Variants in POPDC1 observed in about 807,000 individuals in gnomAD.
POPDC1 encodes popeye domain cAMP effector 1.
At chr6:105,104,656 T>C in the POPDC1 span, among the ~76,000 whole-genome samples, 1 of 152,188 alleles carries the variant, frequency 6.6e-6, no homozygotes, top group Non-Finnish European at 1.5e-5. Flanking sequence ...CACTCTACTT[T>C]GTAGCATGTC....
chr6:105,121,886 T>C, the POPDC1 span, among the ~76,000 whole-genome samples: 1 of 152,168 alleles, frequency 6.6e-6, no homozygotes, highest in African/African-American at 2.4e-5. Context: ...TCAAAGGAAG[T>C]AGATCCTCAT....
chr6:105,112,702 A>G, the POPDC1 span, among the ~76,000 whole-genome samples: 1 of 152,200 alleles, frequency 6.6e-6, no homozygotes, highest in African/African-American at 2.4e-5. Flanking sequence ...AGTAGGTGGG[A>G]GTTGAGAAAA....
At chr6:105,131,503 C>T in the POPDC1 span, among the ~76,000 whole-genome samples, 4 of 152,234 alleles carry the variant, frequency 2.6e-5, no homozygotes, top group African/African-American at 7.2e-5. Context: ...ACAGCCTCGA[C>T]ATCCCAGGCT....
At chr6:105,135,861 C>A in the POPDC1 span, among the ~76,000 whole-genome samples, 1 of 152,086 alleles carries the variant, frequency 6.6e-6, no homozygotes, top group Non-Finnish European at 1.5e-5. Context: ...TTACACTTAA[C>A]AATTCTTATA....
the POPDC1 span, among the ~76,000 whole-genome samples, chr6:105,102,673 G>A: frequency 6.6e-6 from 1 of 152,186 alleles, no homozygotes; most frequent in African/African-American, 2.4e-5. Context: ...TGCTCCATGG[G>A]ATTGTTAGGA....
the POPDC1 span, chr6:105,129,654 T>G: frequency 5.8e-6 from 4 of 693,398 alleles, no homozygotes; most frequent in South Asian, 1.0e-4. Flanking sequence ...AAACCATGGA[T>G]AGTATACAAC....
chr6:105,133,339 T>C, the POPDC1 span: 1 of 1,583,672 alleles, frequency 6.3e-7, no homozygotes, highest in Non-Finnish European at 8.7e-7. Context: ...AAAGTATCAG[T>C]TAGGTATCTT....
the POPDC1 span, among the ~76,000 whole-genome samples, chr6:105,109,653 T>A: frequency 1.3e-5 from 2 of 149,872 alleles, no homozygotes; most frequent in South Asian, 4.2e-4. Context: ...CGGGAGGACA[T>A]CTTGAGCCTG....
At chr6:105,133,414 C>G in the POPDC1 span, 1 of 1,613,674 alleles carries the variant, frequency 6.2e-7, no homozygotes, top group Non-Finnish European at 8.5e-7. Flanking sequence ...AATAACCAAC[C>G]CAACTGCAAA....
At chr6:105,110,665 A>T in the POPDC1 span, among the ~76,000 whole-genome samples, 1 of 148,598 alleles carries the variant, frequency 6.7e-6, no homozygotes, top group Admixed American at 6.9e-5. Context: ...GTCATATGAC[A>T]TTAGTAGGCT....
the POPDC1 span, among the ~76,000 whole-genome samples, chr6:105,103,345 T>C: frequency 6.6e-6 from 1 of 152,182 alleles, no homozygotes; most frequent in Non-Finnish European, 1.5e-5. Context: ...GACTTAATAA[T>C]GAGAAAATTT....
chr6:105,129,478 G>A, the POPDC1 span: 9 of 1,611,878 alleles, frequency 5.6e-6, no homozygotes, highest in African/African-American at 1.3e-5. Flanking sequence ...GGTAGAGAGT[G>A]GCCCAGACGA....
At chr6:105,098,436 A>G in the POPDC1 span, 1 of 152,208 alleles carries the variant, frequency 6.6e-6, no homozygotes, top group Non-Finnish European at 1.5e-5. Context: ...ACTGATACAC[A>G]CACATACTTT....
At chr6:105,100,564 A>ATGTGTGTGTGTGTGTG in the POPDC1 span, 5 of 140,582 alleles carry the variant, frequency 3.6e-5, no homozygotes, top group African/African-American at 1.4e-4. Flanking sequence ...ATATATATAT[A>ATGTGTGTGTGTGTGTG]TATATGTATG....
At chr6:105,097,316 A>G in the POPDC1 span, 1 of 152,276 alleles carries the variant, frequency 6.6e-6, no homozygotes, top group Admixed American at 6.5e-5. Context: ...GGGAAGGGAG[A>G]GGAAACCAAG....
At chr6:105,103,701 A>T in the POPDC1 span, among the ~76,000 whole-genome samples, 1 of 152,210 alleles carries the variant, frequency 6.6e-6, no homozygotes, top group East Asian at 1.9e-4. Flanking sequence ...CTGAGGAAGT[A>T]GGACTAACTG....
the POPDC1 span, chr6:105,101,145 C>G: frequency 1.2e-6 from 2 of 1,613,796 alleles, no homozygotes; most frequent in Non-Finnish European, 1.7e-6. Context: ...AAAACGTCAT[C>G]ATCATCTTCT....
the POPDC1 span, chr6:105,125,356 T>A: frequency 1.2e-6 from 2 of 1,606,860 alleles, no homozygotes; most frequent in South Asian, 1.1e-5. Flanking sequence ...AGATTAAAGG[T>A]AAACTAGGAA....
the POPDC1 span, among the ~76,000 whole-genome samples, chr6:105,124,391 A>C: frequency 6.6e-6 from 1 of 150,734 alleles, no homozygotes; most frequent in African/African-American, 2.4e-5. Flanking sequence ...CAAACAAAAA[A>C]AAAAAAAAAA....
Sources: gnomAD v4.1 joint callset for allele counts (sites outside exome capture counted in the v4.1 genomes callset) on GRCh38, gnomAD v4.1.1 for gene constraint, MANE v1.5 for transcripts, NCBI Gene and HGNC (gene_info 2026-07-23, HGNC 2026-07-21) for gene names.